SYT16: variants seen among roughly 807,000 people sequenced by gnomAD.
SYT16 encodes synaptotagmin-16.
In SYT16, 42 loss-of-function variants were observed where a neutral mutation model predicts 61.4. The ratio of observed to expected loss-of-function variants is 0.68; its 90% CI spans 0.53 to 0.89. SYT16 has a LOEUF of 0.89. Among genes scored for constraint, SYT16 ranks in the 40% least tolerant of loss-of-function variants. The pLI, the probability that SYT16 is intolerant of heterozygous loss-of-function variation, is 0.00. For synonymous variants in SYT16, 314 were observed against 302.3 expected (o/e 1.04, Z -0.40); for missense variants, 804 against 807.3 (o/e 1.00, Z 0.05).
intron 1 of SYT16, among the ~76,000 whole-genome samples, chr14:61,948,591 C>T (rs1178886510): frequency 1.3e-5 from 2 of 152,048 alleles, no homozygotes; most frequent in African/African-American, 4.8e-5. Flanking sequence ...AGTGAAGTCC[C>T]AGGCTTGATG....
intron 2 of SYT16, among the ~76,000 whole-genome samples, chr14:61,974,338 A>G (rs2051693323): frequency 6.6e-6 from 1 of 152,094 alleles, no homozygotes; most frequent in Non-Finnish European, 1.5e-5. Context: ...TGGGCATGGA[A>G]CTGCACAACT....
chr14:61,870,112 G>T (rs995519781), intron 1 of SYT16, among the ~76,000 whole-genome samples: 1 of 151,772 alleles, frequency 6.6e-6, no homozygotes, highest in Non-Finnish European at 1.5e-5. Flanking sequence ...TTTCCATCTG[G>T]TATTATTTGC....
intron 3 of SYT16, among the ~76,000 whole-genome samples, chr14:62,056,043 G>A (rs918853817): frequency 1.3e-5 from 2 of 150,774 alleles, no homozygotes; most frequent in African/African-American, 2.4e-5. Flanking sequence ...CTTTTTCCAC[G>A]TTCTTCTCCC....
At chr14:61,966,761 T>A (rs2051331230) in intron 1 of SYT16, among the ~76,000 whole-genome samples, 1 of 152,242 alleles carries the variant, frequency 6.6e-6, no homozygotes, top group South Asian at 2.1e-4. Context: ...GAATCCTCTT[T>A]TTCCTAAGAC....
At chr14:61,819,182 C>A (rs2045538264) in intron 1 of SYT16, among the ~76,000 whole-genome samples, 1 of 152,172 alleles carries the variant, frequency 6.6e-6, no homozygotes, top group Non-Finnish European at 1.5e-5. Context: ...AATAAACCTT[C>A]CCTTCTCCTG....
At chr14:62,054,958 C>G (rs187672025) in intron 3 of SYT16, among the ~76,000 whole-genome samples, 3 of 152,108 alleles carry the variant, frequency 2.0e-5, no homozygotes, top group African/African-American at 7.2e-5. Context: ...TTACACATCC[C>G]AGGCCCTTCA....
At chr14:62,041,616 C>A (rs1250261443) in intron 3 of SYT16, among the ~76,000 whole-genome samples, 1 of 152,172 alleles carries the variant, frequency 6.6e-6, no homozygotes, top group East Asian at 1.9e-4. Context: ...AGCAATTGTC[C>A]TGCCTCAGCC....
chr14:62,074,090 A>G (rs1481934398), intron 4 of SYT16, among the ~76,000 whole-genome samples: 5 of 152,160 alleles, frequency 3.3e-5, no homozygotes, highest in Non-Finnish European at 5.9e-5. Flanking sequence ...AAAGAGGCCA[A>G]AGAGATAAGA....
chr14:62,015,390 A>C (rs2053630047), intron 3 of SYT16, among the ~76,000 whole-genome samples: 1 of 152,168 alleles, frequency 6.6e-6, no homozygotes, highest in Non-Finnish European at 1.5e-5. Context: ...TATCCTATAA[A>C]TACTTTTAGA....
intron 3 of SYT16, among the ~76,000 whole-genome samples, chr14:62,024,466 T>C (rs1040510049): frequency 6.6e-6 from 1 of 152,080 alleles, no homozygotes; most frequent in Admixed American, 6.6e-5. Flanking sequence ...GGAAAACAGA[T>C]AGCTTTTTAG....
intron 1 of SYT16, among the ~76,000 whole-genome samples, chr14:61,863,397 C>T (rs1047667292): frequency 2.0e-5 from 3 of 152,150 alleles, no homozygotes; most frequent in African/African-American, 7.2e-5. Flanking sequence ...GTTTATTTGC[C>T]ATCTGCGCAT....
At chr14:62,000,098 G>GGTTT (rs1566751979) in intron 3 of SYT16, among the ~76,000 whole-genome samples, 2 of 35,518 alleles carry the variant, frequency 5.6e-5, no homozygotes, top group African/African-American at 3.7e-4. Context: ...TTTGTCTCTC[G>GGTTT]ATTTTTTTTT....
chr14:61,963,227 A>G (rs1489621303), intron 1 of SYT16, among the ~76,000 whole-genome samples: 2 of 152,152 alleles, frequency 1.3e-5, no homozygotes, highest in Non-Finnish European at 2.9e-5. Context: ...CTTTAAATCA[A>G]AAGCTGAAAA....
rs1247671632 is a variant in SYT16, at chr14:61,917,074, A to G, written c.-324-53058A>G. Reference sequence around the variant, plus strand: ...ATGAGAATGCAGATATCTCTTCAACATACTGATTTGCTTTCTTTTGGATAT... The same window carrying G: ...ATGAGAATGCAGATATCTCTTCAACGTACTGATTTGCTTTCTTTTGGATAT... On this transcript the variant is annotated intron_variant, in intron 1 of 7. Transcript: ENST00000683842. 2.6e-5 allele frequency among the ~76,000 whole-genome samples: 4 copies of G among 152,148 alleles called. No individual in the cohort carries two copies. The East Asian group carries it at 7.7e-4, about 29-fold the overall frequency.
At chr14:62,006,606 T>C (rs1421665605) in intron 3 of SYT16, among the ~76,000 whole-genome samples, 1 of 152,076 alleles carries the variant, frequency 6.6e-6, no homozygotes, top group Non-Finnish European at 1.5e-5. Flanking sequence ...ACAGAGAAAA[T>C]AGATACACTT....
At chr14:61,983,975 A>C (rs767684845) in intron 2 of SYT16, among the ~76,000 whole-genome samples, 2 of 152,234 alleles carry the variant, frequency 1.3e-5, no homozygotes, top group Non-Finnish European at 2.9e-5. Context: ...CAGGGTGATG[A>C]AGAGAACCTA....
chr14:61,886,866 T>A (rs2047918638), intron 1 of SYT16, among the ~76,000 whole-genome samples: 2 of 150,574 alleles, frequency 1.3e-5, no homozygotes, highest in South Asian at 4.2e-4. Flanking sequence ...GAGTTACGCT[T>A]ATTTTTTTTT....
chr14:61,861,880 A>G (rs1474481642), intron 1 of SYT16, among the ~76,000 whole-genome samples: 3 of 152,242 alleles, frequency 2.0e-5, no homozygotes, highest in South Asian at 2.1e-4. Flanking sequence ...CAATAGCATC[A>G]TATCCAAAAA....
At chr14:61,959,380 A>G (rs1047265355) in intron 1 of SYT16, among the ~76,000 whole-genome samples, 2 of 151,056 alleles carry the variant, frequency 1.3e-5, no homozygotes, top group Admixed American at 1.3e-4. Context: ...TTTTTTTTAT[A>G]GTGGTATGCT....
Sources: allele counts gnomAD v4.1 joint callset (sites outside exome capture counted in the v4.1 genomes callset), GRCh38; gene constraint gnomAD v4.1.1; transcripts MANE v1.5; gene names NCBI Gene and HGNC (gene_info 2026-07-23, HGNC 2026-07-21).